ARL5A: variants seen among roughly 807,000 people sequenced by gnomAD.
The protein encoded by ARL5A is ADP-ribosylation factor-like protein 5A.
Under a neutral mutation model 25.9 loss-of-function variants are expected in ARL5A, and 18 were observed. The ratio of observed to expected loss-of-function variants is 0.69; its 90% CI spans 0.48 to 1.03. The LOEUF (loss-of-function observed/expected upper bound fraction) is 1.03, where lower values mean the gene tolerates loss of function less well. ARL5A is among the 50% of genes least tolerant of loss of function. The probability of loss-of-function intolerance (pLI) is 0.00; values close to 1 mark genes in which losing one functional copy is unlikely to be tolerated. For missense variants in ARL5A, 170 were observed against 211.9 expected, an observed-to-expected ratio of 0.80 and a Z score of 1.23; for synonymous variants, 61 against 67.5, an observed-to-expected ratio of 0.90 and a Z score of 0.47.
intron 4 of ARL5A, among the ~76,000 whole-genome samples, chr2:151,810,845 A>T (rs1157737200): frequency 6.6e-6 from 1 of 152,224 alleles, no homozygotes; most frequent in African/African-American, 2.4e-5. Context: ...AGAGACAAAT[A>T]ACATTTGTAT....
intron 4 of ARL5A, among the ~76,000 whole-genome samples, chr2:151,810,904 C>A (rs761823469): frequency 5.9e-5 from 9 of 151,850 alleles, no homozygotes; most frequent in Non-Finnish European, 8.8e-5. Context: ...TTGGAATAAA[C>A]TGAAAAATGC....
At chr2:151,812,507 T>C in intron 3 of ARL5A, 67 bp from the exon 4 acceptor site, 1 of 1,012,776 alleles carries the variant, frequency 9.9e-7, no homozygotes, top group Admixed American at 2.7e-5. Flanking sequence ...TATAATGTGT[T>C]TATTTGACAT....
chr2:151,805,664 G>A (rs893498933), intron 5 of ARL5A, among the ~76,000 whole-genome samples: 1 of 152,068 alleles, frequency 6.6e-6, no homozygotes, highest in Non-Finnish European at 1.5e-5. Context: ...CACCTATACA[G>A]CATGTTACTG....
intron 4 of ARL5A, among the ~76,000 whole-genome samples, chr2:151,809,956 G>A (rs564957382): frequency 3.9e-5 from 6 of 152,220 alleles, no homozygotes; most frequent in African/African-American, 1.2e-4. Flanking sequence ...GGTGGTGGGC[G>A]CCTGTAATCT....
At position 151,803,255 on chromosome 2, in the gene ARL5A, A is replaced by G. The variant is rs1249206163; in HGVS notation, c.*21T>C. ...CCAGCACTTCATTTATACAAAATCTATGAGAAGAGGTCAGTAGAGATCATC... is the reference window on the plus strand; with the variant it reads ...CCAGCACTTCATTTATACAAAATCTGTGAGAAGAGGTCAGTAGAGATCATC... On this transcript the variant is annotated 3_prime_UTR_variant, in exon 6 of 6. Coordinates refer to ENST00000295087, the MANE Select transcript of ARL5A (RefSeq NM_012097.4). 6.3e-7 allele frequency: 1 copy of G among 1,596,418 alleles called. No homozygotes were observed. The highest frequency in any genetic ancestry group is 8.6e-7 in the Non-Finnish European group (1 of 1,165,112).
chr2:151,810,767 C>T (rs1194430303), intron 4 of ARL5A, among the ~76,000 whole-genome samples: 2 of 152,164 alleles, frequency 1.3e-5, no homozygotes, highest in African/African-American at 4.8e-5. Context: ...GATCCTGCTG[C>T]ATATTGGCCA....
intron 1 of ARL5A, among the ~76,000 whole-genome samples, chr2:151,815,968 T>G (rs10171724): frequency 1.3e-5 from 2 of 152,034 alleles, no homozygotes; most frequent in Non-Finnish European, 2.9e-5. Flanking sequence ...CAGCATGTGG[T>G]AGAAGCTAGT....
intron 5 of ARL5A, among the ~76,000 whole-genome samples, chr2:151,805,216 AAC>A (rs1430473638): frequency 3.8e-5 from 3 of 78,408 alleles, no homozygotes; most frequent in Non-Finnish European, 7.9e-5. Flanking sequence ...TTTTTTAATG[AAC>A]AGTTTTTTTT....
intron 4 of ARL5A, among the ~76,000 whole-genome samples, chr2:151,809,087 G>T (rs2099830486): frequency 6.6e-6 from 1 of 152,080 alleles, no homozygotes; most frequent in Non-Finnish European, 1.5e-5. Context: ...GTTGTTATGT[G>T]GCTGAGTCAA....
intron 1 of ARL5A, among the ~76,000 whole-genome samples, chr2:151,826,834 G>C (rs2099833122): frequency 6.6e-6 from 1 of 152,216 alleles, no homozygotes; most frequent in Non-Finnish European, 1.5e-5. Context: ...CAGAGACAGT[G>C]CTGATTAGAA....
At chr2:151,817,236 T>G (rs2099831631) in intron 1 of ARL5A, among the ~76,000 whole-genome samples, 1 of 152,242 alleles carries the variant, frequency 6.6e-6, no homozygotes, top group Non-Finnish European at 1.5e-5. Flanking sequence ...CACTTTCTCC[T>G]GCTTTCCCAC....
Position 151,828,115 on chromosome 2 carries a change from G to A in ARL5A, c.46+16C>T. The A allele has an allele frequency of 1.9e-6, 3 of 1,606,620 alleles. No homozygotes were observed. Among genetic ancestry groups the A allele is most frequent in the Non-Finnish European group, 2.5e-6 (3 of 1,176,556 alleles). On this transcript the variant is annotated intron_variant, in intron 1 of 5. Coordinates refer to ENST00000295087, the MANE Select transcript of ARL5A (RefSeq NM_012097.4). ...CCCTCTCCCCAACCCGTACGCCCGCGGACCGAGCTCCTCACCCTGGTGATT... is the reference window on the plus strand; with the variant it reads ...CCCTCTCCCCAACCCGTACGCCCGCAGACCGAGCTCCTCACCCTGGTGATT...
At chr2:151,821,775 CTTTT>C (rs760341359) in intron 1 of ARL5A, among the ~76,000 whole-genome samples, 3 of 113,542 alleles carry the variant, frequency 2.6e-5, no homozygotes, top group Admixed American at 2.0e-4. Context: ...GCCCGGCTTT[CTTTT>C]TTTTTTTTTC....
At chr2:151,816,476 A>T (rs2099831517) in intron 1 of ARL5A, among the ~76,000 whole-genome samples, 1 of 152,262 alleles carries the variant, frequency 6.6e-6, no homozygotes, top group Admixed American at 6.5e-5. Flanking sequence ...TTTAAGTCAT[A>T]AAATTAAAGA....
At chr2:151,813,798 T>C (rs909118400) in intron 3 of ARL5A, among the ~76,000 whole-genome samples, 7 of 152,016 alleles carry the variant, frequency 4.6e-5, no homozygotes, top group African/African-American at 7.2e-5. Context: ...TAAAAGAAAA[T>C]AGTAAAACTG....
intron 4 of ARL5A, among the ~76,000 whole-genome samples, chr2:151,807,508 A>G (rs903943369): frequency 4.6e-5 from 7 of 152,180 alleles, no homozygotes; most frequent in African/African-American, 1.7e-4. Context: ...AAGAGAATTA[A>G]GCTCCAAAGA....
chr2:151,816,125 T>C (rs949920190), intron 1 of ARL5A, among the ~76,000 whole-genome samples: 4 of 152,156 alleles, frequency 2.6e-5, no homozygotes, highest in Non-Finnish European at 5.9e-5. Context: ...AACATTGCAG[T>C]TGCTGCCTGG....
At chr2:151,804,763 T>C (rs1393217577) in intron 5 of ARL5A, among the ~76,000 whole-genome samples, 2 of 152,238 alleles carry the variant, frequency 1.3e-5, no homozygotes, top group Non-Finnish European at 2.9e-5. Context: ...AAACCCAGGG[T>C]TGGCAATGTT....
In ARL5A at chr2:151,828,156, T is replaced by C; in HGVS notation, c.21A>G (p.Arg7=). The change falls in exon 1 of 6, where the codon AGA becomes AGG. Residue 7 remains arginine (R), a synonymous_variant. Coordinates refer to ENST00000295087, the MANE Select transcript of ARL5A (RefSeq NM_012097.4). MGILFT[R]IWRLFNHQEH... ...CCTGGTGATTGAACAGTCTCCATAT[T>C]CTAGTGAAGAGAATTCCCATTCTCG... is the stretch of plus-strand genomic sequence containing the variant. The C allele has an allele frequency of 6.2e-7, 1 of 1,607,986 alleles. No homozygotes were observed. Among genetic ancestry groups the C allele is most frequent in the Non-Finnish European group, 8.5e-7 (1 of 1,177,344 alleles).
Sources: allele counts gnomAD v4.1 joint callset (sites outside exome capture counted in the v4.1 genomes callset), GRCh38; gene constraint gnomAD v4.1.1; transcripts MANE v1.5; gene names NCBI Gene and HGNC (gene_info 2026-07-23, HGNC 2026-07-21).